The following RTN4 variants were observed in gnomAD, a reference collection of about 807,000 sequenced individuals.
The protein encoded by RTN4 is reticulon 4, also known as reticulon-4.
In RTN4, 32 loss-of-function variants were observed where a neutral mutation model predicts 90.4. That is an observed-to-expected ratio of 0.35 (90% CI 0.27 to 0.48). The LOEUF is 0.48. Among genes scored for constraint, RTN4 ranks in the 20% least tolerant of loss-of-function variants. The probability of loss-of-function intolerance (pLI) is 0.99; values close to 1 mark genes in which losing one functional copy is unlikely to be tolerated. For missense variants in RTN4, 1,706 were observed against 1,430.2 expected (o/e 1.19, Z -3.11); for synonymous variants, 629 against 552.5 (o/e 1.14, Z -1.94).
intron 2 of RTN4, among the ~76,000 whole-genome samples, chr2:55,061,558 T>C (rs945025183): frequency 1.3e-5 from 2 of 152,100 alleles, no homozygotes; most frequent in African/African-American, 4.8e-5. Flanking sequence ...CTCTTTGAAA[T>C]ATATCAGTCC....
chr2:55,112,874 T>C (rs1374350195), upstream of RTN4, among the ~76,000 whole-genome samples: 1 of 152,084 alleles, frequency 6.6e-6, no homozygotes, highest in Non-Finnish European at 1.5e-5. Context: ...CCAGCTGGAG[T>C]TTCTGGAGCA....
rs116116467 is a variant in RTN4 at position 55,099,766 on chromosome 2, T to G, written c.-214+12754A>C. Reference sequence around the variant, plus strand: ...CAACTTATCTGTGCTTCAGTTTTTCTCAATTGTGAAAAGAGAATAATAACA... The same window carrying G: ...CAACTTATCTGTGCTTCAGTTTTTCGCAATTGTGAAAAGAGAATAATAACA... On this transcript the variant is annotated intron_variant, in intron 1 of 3. Coordinates refer to the RTN4 transcript ENST00000427710. Among the ~76,000 whole-genome samples, 959 of 152,212 alleles carry G rather than the reference T, an allele frequency of 6.3e-3. 18 individuals carry two copies. Among genetic ancestry groups the G allele is most frequent in the African/African-American group, 0.022 (930 of 41,476 alleles).
At chr2:55,122,883 C>T in the RTN4 span, among the ~76,000 whole-genome samples, 3 of 152,238 alleles carry the variant, frequency 2.0e-5, no homozygotes, top group Non-Finnish European at 4.4e-5. Context: ...ACTGCCAGTG[C>T]TCAAGCAGTA....
intron 2 of RTN4, among the ~76,000 whole-genome samples, chr2:55,062,100 A>G (rs1340633831): frequency 1.3e-5 from 2 of 152,110 alleles, no homozygotes; most frequent in Non-Finnish European, 1.5e-5. Context: ...GAGTTTGGCC[A>G]GGGCTGTCAG....
the RTN4 span, among the ~76,000 whole-genome samples, chr2:55,119,082 G>A: frequency 1.3e-5 from 2 of 152,226 alleles, no homozygotes; most frequent in African/African-American, 4.8e-5. Context: ...GCCTGGAAAA[G>A]AAATACAAGG....
At chr2:55,056,957 A>C (rs1368799827) in intron 2 of RTN4, among the ~76,000 whole-genome samples, 2 of 152,210 alleles carry the variant, frequency 1.3e-5, no homozygotes, top group Non-Finnish European at 2.9e-5. Context: ...CTTGATCTCA[A>C]AATAAGGCTT....
intron 1 of RTN4, among the ~76,000 whole-genome samples, chr2:55,090,429 TAGAG>T (rs1257100363): frequency 6.6e-6 from 1 of 152,142 alleles, no homozygotes; most frequent in Non-Finnish European, 1.5e-5. Flanking sequence ...CGTATGGACA[TAGAG>T]AAAGTGGCTG....
At chr2:55,112,889 AAT>A (rs943288694), upstream of RTN4, among the ~76,000 whole-genome samples, 3 of 152,224 alleles carry the variant, frequency 2.0e-5, no homozygotes, top group Non-Finnish European at 4.4e-5. Context: ...GGAGCAACCA[AAT>A]AGCTAAAAAC....
intron 5 of RTN4, among the ~76,000 whole-genome samples, chr2:54,977,407 T>TG (rs1033118534): frequency 9.1e-5 from 1 of 10,962 alleles, no homozygotes; most frequent in African/African-American, 5.9e-4. Flanking sequence ...GCTCAGGCCG[T>TG]TTTTTTTTTT....
chr2:55,090,070 T>C (rs1668910298), intron 1 of RTN4, among the ~76,000 whole-genome samples: 1 of 152,252 alleles, frequency 6.6e-6, no homozygotes, highest in Non-Finnish European at 1.5e-5. Context: ...AAGTCTTTTT[T>C]TTCTCCTGAG....
At chr2:54,981,169 TAAATAA>T (rs1678088206) in intron 5 of RTN4, among the ~76,000 whole-genome samples, 1 of 151,756 alleles carries the variant, frequency 6.6e-6, no homozygotes, top group Non-Finnish European at 1.5e-5. Context: ...TTCCAAGTCA[TAAATAA>T]AAATAAGAGA....
intron 8 of RTN4, 84 bp downstream of exon 8, chr2:54,973,479 A>G: frequency 9.3e-7 from 1 of 1,071,814 alleles, no homozygotes; most frequent in Non-Finnish European, 1.4e-6. Flanking sequence ...TTTGTTACTC[A>G]TTATGCCTGC....
At chr2:55,092,597 A>G (rs1668960098) in intron 1 of RTN4, among the ~76,000 whole-genome samples, 1 of 152,174 alleles carries the variant, frequency 6.6e-6, no homozygotes. Context: ...AGTGCTCAAC[A>G]CAAACTTGTG....
chr2:55,107,017 C>G (rs368591538), intron 1 of RTN4, among the ~76,000 whole-genome samples: 1 of 152,036 alleles, frequency 6.6e-6, no homozygotes, highest in Admixed American at 6.6e-5. Flanking sequence ...ATTAAGCAGA[C>G]CCAGCATTGG....
chr2:54,973,465 G>A, intron 8 of RTN4, 98 bp downstream of exon 8: 1 of 966,140 alleles, frequency 1.0e-6, no homozygotes, highest in Non-Finnish European at 1.6e-6. Context: ...AGGTCTGATA[G>A]AGATTTGTTA....
chr2:55,116,069 T>C (rs1668118790), upstream of RTN4, among the ~76,000 whole-genome samples: 1 of 146,840 alleles, frequency 6.8e-6, no homozygotes, highest in South Asian at 2.2e-4. Context: ...GAGGATCATA[T>C]AACAAGGAGA....
chr2:55,009,797 A>G (rs1325301585), intron 3 of RTN4, among the ~76,000 whole-genome samples: 1 of 152,238 alleles, frequency 6.6e-6, no homozygotes, highest in Non-Finnish European at 1.5e-5. Context: ...GTGACGAACA[A>G]ATGAAATCTG....
intron 2 of RTN4, among the ~76,000 whole-genome samples, chr2:55,063,739 G>A (rs1017514831): frequency 6.6e-6 from 1 of 151,974 alleles, no homozygotes; most frequent in South Asian, 2.1e-4. Flanking sequence ...AAATCAGCCG[G>A]GCGTGGTGGT....
chr2:55,104,586 C>T (rs889612413), intron 1 of RTN4, among the ~76,000 whole-genome samples: 1 of 150,330 alleles, frequency 6.7e-6, no homozygotes, highest in African/African-American at 2.5e-5. Context: ...GATGGCCTCA[C>T]GTGATCCACC....
Sources: allele counts gnomAD v4.1 joint callset (sites outside exome capture counted in the v4.1 genomes callset), GRCh38; gene constraint gnomAD v4.1.1; transcripts MANE v1.5; gene names NCBI Gene and HGNC (gene_info 2026-07-23, HGNC 2026-07-21).